The following TNN variants were observed in gnomAD, a reference collection of about 807,000 sequenced individuals.
TNN encodes tenascin-N.
In TNN, 122 loss-of-function variants were observed where a neutral mutation model predicts 134.4. The ratio of observed to expected loss-of-function variants is 0.91; its 90% confidence interval spans 0.78 to 1.06. The LOEUF (loss-of-function observed/expected upper bound fraction) is 1.06, where lower values mean the gene tolerates loss of function less well. Among genes scored for constraint, TNN ranks in the 50% least tolerant of loss-of-function variants. The pLI is 0.00. For missense variants in TNN, 1,739 were observed against 1,699.4 expected, an observed-to-expected ratio of 1.02 and a Z score of -0.41; for synonymous variants, 710 against 670.3, an observed-to-expected ratio of 1.06 and a Z score of -0.91.
chr1:175,138,351 A>G (rs1675867883), intron 17 of TNN, among the ~76,000 whole-genome samples: 1 of 152,182 alleles, frequency 6.6e-6, no homozygotes. Flanking sequence ...TGCTAGCAGG[A>G]CTTTTCTATA....
intron 15 of TNN, among the ~76,000 whole-genome samples, chr1:175,129,318 C>T (rs555246124): frequency 2.2e-4 from 33 of 152,216 alleles, no homozygotes; most frequent in Admixed American, 9.8e-4. Flanking sequence ...GTTCCCTTAA[C>T]CATAAACATC....
chr1:175,114,176 T>C (rs2101832867), intron 9 of TNN, among the ~76,000 whole-genome samples: 1 of 152,352 alleles, frequency 6.6e-6, no homozygotes, highest in African/African-American at 2.4e-5. Flanking sequence ...GTGGAACAAT[T>C]GCCTCTTCTA....
rs1306316159 is a variant in TNN at position 175,117,056 on chromosome 1, A to C, written c.2237A>C (p.Lys746Thr). 6.2e-7 allele frequency: 1 copy of C among 1,614,234 alleles called. No individual in the cohort carries two copies. Among genetic ancestry groups the C allele is most frequent in the South Asian group, 1.1e-5 (1 of 91,086 alleles). The change falls in exon 10 of 19, where the codon AAG (lysine) becomes ACG (threonine). Residue 746 changes from lysine to threonine, a missense_variant. By Grantham distance (78) the Lys-to-Thr change is moderately conservative. Transcript: ENST00000239462. ...DRYVVRYTSAKDGETREVPVG... is the reference protein window; with the variant it reads ...DRYVVRYTSATDGETREVPVG... Reference sequence around the variant, plus strand: ...TATGTGGTGCGCTACACCTCTGCCAAGGACGGAGAGACCAGGGAGGTTCCG... The same window carrying C: ...TATGTGGTGCGCTACACCTCTGCCACGGACGGAGAGACCAGGGAGGTTCCG...
Position 175,079,628 on chromosome 1 carries a change from C to T in TNN, c.705C>T (p.Gly235=), listed in dbSNP as rs370138783. 6.2e-7 allele frequency: 1 copy of T among 1,604,838 alleles called. No individual in the cohort carries two copies. The highest frequency in any genetic ancestry group is 2.3e-5 in the East Asian group (1 of 44,434). ...SEDCSEKRCP[G]DCSGHGFCDT... Reference sequence around the variant, plus strand: ...ACTGCAGCGAGAAGCGCTGTCCCGGCGACTGCAGCGGCCACGGCTTCTGTG... The same window carrying T: ...ACTGCAGCGAGAAGCGCTGTCCCGGTGACTGCAGCGGCCACGGCTTCTGTG... Residue 235 remains glycine (G), a synonymous_variant, in exon 3 of 19, where the codon GGC becomes GGT. Coordinates refer to ENST00000239462, the MANE Select transcript of TNN (RefSeq NM_022093.2).
intron 18 of TNN, among the ~76,000 whole-genome samples, chr1:175,146,001 C>G (rs758953268): frequency 6.6e-6 from 1 of 152,190 alleles, no homozygotes; most frequent in Non-Finnish European, 1.5e-5. Flanking sequence ...TCACCTTGTA[C>G]CAATATTACT....
intron 17 of TNN, among the ~76,000 whole-genome samples, chr1:175,137,392 GAT>G (rs1491268040): frequency 0.73 from 110,508 of 150,544 alleles, 40,760 homozygotes; most frequent in Non-Finnish European, 0.78. Context: ...GTGTGTGTGT[GAT>G]TATTTGAGCT....
At position 175,118,966 on chromosome 1, in the gene TNN, C is replaced by T. The variant is rs1215892062; in HGVS notation, c.2650+142C>T. The T allele has an allele frequency of 3.3e-6, 4 of 1,201,412 alleles. No homozygotes were observed. In the African/African-American group the frequency reaches 6.2e-5, roughly 19 times the overall value. The allele number at this position is 1,201,412 out of a possible 1,614,324, so 74.4% of individuals were successfully genotyped here. A position where few individuals can be genotyped will look rare whatever the true frequency, so the allele number is the denominator to read the frequency against. ...AGGAGAGTTTGCTGTAAAAACAAAA[C>T]AAAACAAAAACAAAAAACAAACAAA... On this transcript the variant is annotated intron_variant, in intron 11 of 18. Coordinates refer to ENST00000239462, the MANE Select transcript of TNN (RefSeq NM_022093.2).
At chr1:175,135,554 C>T (rs901385538) in intron 15 of TNN, among the ~76,000 whole-genome samples, 3 of 152,280 alleles carry the variant, frequency 2.0e-5, no homozygotes, top group Non-Finnish European at 4.4e-5. Context: ...CCTAGACAAC[C>T]CACACTAGCA....
Position 175,072,926 on chromosome 1 carries a change from CTT to C in TNN, c.-35-4435_-35-4434del, listed in dbSNP as rs60879960. 8.9e-3 allele frequency among the ~76,000 whole-genome samples: 417 copies of C among 46,688 alleles called. 2 individuals are homozygous for C. The highest frequency in any genetic ancestry group is 0.024 in the African/African-American group (249 of 10,216). The allele number at this position is 46,688 out of a possible 152,430, so 30.6% of individuals were successfully genotyped here. A position where few individuals can be genotyped will look rare whatever the true frequency, so the allele number is the denominator to read the frequency against. On this transcript the variant is annotated intron_variant, in intron 1 of 18. Transcript: ENST00000239462. ...TGTGGTTGATGGCAAGAGTCCACGGCTTTTTTTTTTTTTTTTTTTTTTTTGCT... is the reference window on the plus strand; with the variant it reads ...TGTGGTTGATGGCAAGAGTCCACGGCTTTTTTTTTTTTTTTTTTTTTTGCT...
chr1:175,071,751 G>A (rs996002982), intron 1 of TNN, among the ~76,000 whole-genome samples: 1 of 152,116 alleles, frequency 6.6e-6, no homozygotes, highest in Non-Finnish European at 1.5e-5. Context: ...ACTTCTCTGA[G>A]GACCTGTCAC....
chr1:175,076,150 C>T (rs1053428894), intron 1 of TNN, among the ~76,000 whole-genome samples: 10 of 152,018 alleles, frequency 6.6e-5, no homozygotes, highest in African/African-American at 1.9e-4. Context: ...AAGAATGGGC[C>T]GTCCTAGATG....
At chr1:175,071,122 C>CA (rs1466109121) in intron 1 of TNN, among the ~76,000 whole-genome samples, 1 of 152,204 alleles carries the variant, frequency 6.6e-6, no homozygotes, top group African/African-American at 2.4e-5. Flanking sequence ...AAACCCAAAG[C>CA]AGTGCTTTCA....
chr1:175,128,660 G>T lies in TNN; in HGVS notation c.3244G>T (p.Gly1082Cys). 1.7e-5 allele frequency: 28 copies of T among 1,613,966 alleles called. No homozygotes were observed. The highest frequency in any genetic ancestry group is 2.4e-5 in the Non-Finnish European group (28 of 1,179,954). ...TCAGCAGAACAGCAATGCCGCCAGT[G>T]GTCTGTACACCATCTACCTGCATGG... ...QVQQNSNAAS[G>C]LYTIYLHGDA... is the part of the protein sequence containing the mutation. The change falls in exon 15 of 19, where the codon GGT becomes TGT. Residue 1082 changes from glycine (G) to cysteine (C), a missense_variant. Transcript: ENST00000239462.
intron 9 of TNN, among the ~76,000 whole-genome samples, chr1:175,104,776 C>A (rs1000946452): frequency 6.9e-6 from 1 of 145,868 alleles, no homozygotes; most frequent in African/African-American, 2.5e-5. Flanking sequence ...CTTTTAGAAT[C>A]AATTGACCCT....
intron 9 of TNN, among the ~76,000 whole-genome samples, chr1:175,109,121 G>A (rs908738318): frequency 1.4e-4 from 13 of 94,978 alleles, no homozygotes; most frequent in South Asian, 1.1e-3. Context: ...TCGCTCTGTC[G>A]CCCAGGCCGG....
rs1674305833 is a variant in TNN, at chr1:175,085,581, T to C, written c.1324+87T>C. The C allele has an allele frequency of 1.9e-5, 19 of 980,790 alleles. 1 individual carries two copies. In the South Asian group the frequency reaches 2.5e-4, roughly 13 times the overall value. The allele number at this position is 980,790 out of a possible 1,614,324, so 60.8% of individuals were successfully genotyped here. A position where few individuals can be genotyped will look rare whatever the true frequency, so the allele number is the denominator to read the frequency against. On this transcript the variant is annotated intron_variant, in intron 6 of 18. Coordinates refer to ENST00000239462, the MANE Select transcript of TNN (RefSeq NM_022093.2). ...GGCTGACTCCTCTCTGGATAAGAAT[T>C]CTGGGATTTGCAGACAGACGGGGTG...
In TNN at chr1:175,127,020, A is replaced by AC; in HGVS notation, c.2981dup (p.Pro995AlafsTer21). On this transcript the variant is annotated frameshift_variant, in exon 13 of 19. Transcript: ENST00000239462. LOFTEE classifies it high-confidence loss of function. ...GCAGTCTGGTGGCATATTGACCTGG[A>AC]CGCCCCCCTCTGCTCAGATCCACGG... The AC allele has an allele frequency of 6.2e-7, 1 of 1,614,036 alleles. No individual in the cohort carries two copies. The highest frequency in any genetic ancestry group is 8.5e-7 in the Non-Finnish European group (1 of 1,180,004).
intron 9 of TNN, 127 bp from the exon 10 acceptor site, chr1:175,116,812 T>C: frequency 7.4e-7 from 1 of 1,345,620 alleles, no homozygotes; most frequent in Non-Finnish European, 1.1e-6. Context: ...ATGAAACAAC[T>C]GAAAACCAGC....
At chr1:175,086,642 T>C (rs1674330340) in intron 6 of TNN, among the ~76,000 whole-genome samples, 1 of 152,096 alleles carries the variant, frequency 6.6e-6, no homozygotes, top group East Asian at 1.9e-4. Context: ...GAATAAGAGG[T>C]GAGATGTTGT....
Sources: allele counts gnomAD v4.1 joint callset (sites outside exome capture counted in the v4.1 genomes callset), GRCh38; gene constraint gnomAD v4.1.1; transcripts MANE v1.5; gene names NCBI Gene and HGNC (gene_info 2026-07-23, HGNC 2026-07-21).